The following MYO1E variants were observed in gnomAD, a reference collection of about 807,000 sequenced individuals.
The protein encoded by MYO1E is myosin IE.
MYO1E carries 68 observed loss-of-function variants against 151.1 expected under a neutral mutation model. The observed-to-expected ratio is 0.45, with a 90% CI of 0.37 to 0.55. The LOEUF is 0.55. Ranked by LOEUF, MYO1E falls within the 20% of genes least tolerant of loss-of-function variation. The pLI is 0.00. For synonymous variants in MYO1E, 601 were observed against 501.7 expected (o/e 1.20, Z -2.64); for missense variants, 1,363 against 1,389.3 (o/e 0.98, Z 0.30).
At chr15:59,251,069 C>A (rs1323100428) in intron 4 of MYO1E, among the ~76,000 whole-genome samples, 2 of 152,182 alleles carry the variant, frequency 1.3e-5, no homozygotes, top group Non-Finnish European at 2.9e-5. Flanking sequence ...AGGACTCTAT[C>A]AGAAAACTCA....
At chr15:59,239,372 T>C (rs1353779616) in intron 4 of MYO1E, among the ~76,000 whole-genome samples, 1 of 151,630 alleles carries the variant, frequency 6.6e-6, no homozygotes, top group Non-Finnish European at 1.5e-5. Flanking sequence ...ACCATAAGTA[T>C]GTATATTTTC....
intron 19 of MYO1E, 52 bp from the exon 20 acceptor site, chr15:59,174,292 GAAC>G (rs1282589544): frequency 1.6e-6 from 2 of 1,280,124 alleles, no homozygotes; most frequent in South Asian, 1.2e-5. Context: ...CCCAATCCCT[GAAC>G]AACACTTTTC....
Position 59,297,071 on chromosome 15 carries a change from C to T in MYO1E, c.4-24622G>A, listed in dbSNP as rs1240560594. ...GTTTCACTGTGTTAGCCAGGATGGT[C>T]TCGATCTCCTGACCTCATGATCCAC... On this transcript the variant is annotated intron_variant, in intron 1 of 27. Transcript: ENST00000288235. Among the ~76,000 whole-genome samples, 2 of 131,316 alleles carry T rather than the reference C, an allele frequency of 1.5e-5. 1 individual carries two copies. Among genetic ancestry groups the T allele is most frequent in the African/African-American group, 5.3e-5 (2 of 37,494 alleles). The allele number at this position is 131,316 out of a possible 152,430, so 86.1% of individuals were successfully genotyped here.
rs1195881617 is a variant in MYO1E, at chr15:59,188,120, C to G, written c.1902G>C (p.Gln634His). Residue 634 changes from glutamine to histidine, a missense_variant and splice_region_variant, in exon 18 of 28, where the codon CAG becomes CAC. Physicochemically the swap from Gln to His is conservative, Grantham distance 24. Transcript: ENST00000288235. Reference sequence around the variant, plus strand: ...GGCCAGAGTCACTAGTTCATTACCTCTGTAGGAATTTTTGGAAGATGCGCC... The same window carrying G: ...GGCCAGAGTCACTAGTTCATTACCTGTGTAGGAATTTTTGGAAGATGCGCC... The part of the protein sequence containing the change: ...AYRRIFQKFL[Q>H]RYAILTKATW... 1.9e-6 allele frequency: 3 copies of G among 1,611,800 alleles called. No individual in the cohort carries two copies. The highest frequency in any genetic ancestry group is 1.7e-4 in the Middle Eastern group (1 of 6,058).
At chr15:59,194,150 G>A (rs2079751244) in intron 17 of MYO1E, among the ~76,000 whole-genome samples, 1 of 151,738 alleles carries the variant, frequency 6.6e-6, no homozygotes, top group South Asian at 2.1e-4. Flanking sequence ...CTCCAGCCTG[G>A]GTGACAGAGC....
intron 1 of MYO1E, among the ~76,000 whole-genome samples, chr15:59,288,510 A>G (rs1209090474): frequency 6.6e-6 from 1 of 152,190 alleles, no homozygotes; most frequent in Non-Finnish European, 1.5e-5. Flanking sequence ...TAAAAGAGAT[A>G]ACGCACAGAG....
At chr15:59,208,323 TA>T (rs1193170237) in intron 14 of MYO1E, 3 of 563,798 alleles carry the variant, frequency 5.3e-6, no homozygotes, top group Non-Finnish European at 9.5e-6. Context: ...TGCCATGTTA[TA>T]TATATGTAGT....
chr15:59,231,649 A>C (rs1021835612), intron 6 of MYO1E, 53 bp downstream of exon 6: 3 of 1,568,622 alleles, frequency 1.9e-6, no homozygotes, highest in Non-Finnish European at 2.6e-6. Flanking sequence ...TTCAGTCAGA[A>C]GCATCAACAT....
Position 59,186,622 on chromosome 15 carries a change from ATGCCTGTAGTACTAGC to A in MYO1E, c.1904+1480_1904+1495del, listed in dbSNP as rs1167064592. The stretch of plus-strand genomic sequence containing the variant: ...AAAAGTCATCTGGGCATGGTGATGC[ATGCCTGTAGTACTAGC>A]TACTTGCAGACTGAGGTGGGAGAGA... On this transcript the variant is annotated intron_variant, in intron 18 of 27. Transcript: ENST00000288235. 3.3e-5 allele frequency among the ~76,000 whole-genome samples: 5 copies of A among 152,194 alleles called. No homozygotes were observed. In the South Asian group the frequency reaches 1.0e-3, roughly 32 times the overall value.
rs1446093560 is a variant in MYO1E at position 59,208,740 on chromosome 15, T to A, written c.1471A>T (p.Ser491Cys). 1 of 1,614,208 alleles carries A rather than the reference T, an allele frequency of 6.2e-7. No homozygotes were observed. The highest frequency in any genetic ancestry group is 8.5e-7 in the Non-Finnish European group (1 of 1,180,012). The change falls in exon 14 of 28, where the codon AGT becomes TGT. Residue 491 changes from serine (S) to cysteine (C), a missense_variant. Physicochemically the swap from Ser to Cys is moderately radical, Grantham distance 112. Coordinates refer to ENST00000288235, the MANE Select transcript of MYO1E (RefSeq NM_004998.4). ...TTCCAACTGTTGAAGTGCTCATGACTCCCAATCTGCATCTGAAGTTTCTGG... is the reference window on the plus strand; with the variant it reads ...TTCCAACTGTTGAAGTGCTCATGACACCCAATCTGCATCTGAAGTTTCTGG... ...LLQKLQMQIG[S>C]HEHFNSWNQG... is the part of the protein sequence containing the mutation.
intron 18 of MYO1E, among the ~76,000 whole-genome samples, chr15:59,182,274 G>A (rs536637589): frequency 5.9e-5 from 9 of 152,086 alleles, no homozygotes; most frequent in East Asian, 1.9e-4. Flanking sequence ...GTGCAGTGGC[G>A]CAGTCTTGGT....
chr15:59,178,667 A>C (rs977187909), intron 18 of MYO1E, 130 bp from the exon 19 acceptor site: 44 of 1,252,810 alleles, frequency 3.5e-5, no homozygotes, highest in Non-Finnish European at 4.7e-5. Context: ...TCTGTTTACC[A>C]GCGTTCGAAG....
At chr15:59,187,677 C>A (rs2079706803) in intron 18 of MYO1E, among the ~76,000 whole-genome samples, 1 of 152,200 alleles carries the variant, frequency 6.6e-6, no homozygotes, top group South Asian at 2.1e-4. Flanking sequence ...GTGGAAACAA[C>A]TGACGTTTAT....
At chr15:59,218,576 T>C (rs1483196848) in intron 9 of MYO1E, among the ~76,000 whole-genome samples, 1 of 152,234 alleles carries the variant, frequency 6.6e-6, no homozygotes, top group Non-Finnish European at 1.5e-5. Context: ...CCCATGTTTA[T>C]TGAGTATTTA....
At position 59,183,100 on chromosome 15, in the gene MYO1E, T is replaced by G. The variant is rs562632207; in HGVS notation, c.1905-4563A>C. ...GCTCACCTCCTACTGTAAGGCCCAG[T>G]TCCTAACAGGCCACAGACCAGTACT... On this transcript the variant is annotated intron_variant, in intron 18 of 27. Transcript: ENST00000288235. Among the ~76,000 whole-genome samples the G allele has an allele frequency of 1.6e-4, 25 of 152,292 alleles. No homozygotes were observed. In the South Asian group the frequency reaches 1.7e-3, roughly 10 times the overall value.
intron 1 of MYO1E, among the ~76,000 whole-genome samples, chr15:59,339,132 A>C (rs12910332): frequency 0.64 from 97,755 of 152,038 alleles, 34,299 homozygotes; most frequent in Non-Finnish European, 0.79. Context: ...ACTCTGTCTC[A>C]AAAAAAGAAA....
At chr15:59,223,462 C>T (rs1233343872) in intron 8 of MYO1E, among the ~76,000 whole-genome samples, 1 of 152,182 alleles carries the variant, frequency 6.6e-6, no homozygotes, top group Non-Finnish European at 1.5e-5. Flanking sequence ...GCTGGAAGGG[C>T]ACTTCTGTCT....
chr15:59,318,328 C>T (rs1176172288), intron 1 of MYO1E, among the ~76,000 whole-genome samples: 3 of 152,188 alleles, frequency 2.0e-5, no homozygotes, highest in Admixed American at 6.5e-5. Flanking sequence ...CTTGCCCATA[C>T]ACTCCTGTAT....
chr15:59,228,026 C>T (rs961894330), intron 6 of MYO1E, among the ~76,000 whole-genome samples: 7 of 152,238 alleles, frequency 4.6e-5, no homozygotes, highest in African/African-American at 9.6e-5. Flanking sequence ...TTATCTAGAA[C>T]GGAAACACTT....
Sources: gnomAD v4.1 joint callset for allele counts (sites outside exome capture counted in the v4.1 genomes callset) on GRCh38, gnomAD v4.1.1 for gene constraint, MANE v1.5 for transcripts, NCBI Gene and HGNC (gene_info 2026-07-23, HGNC 2026-07-21) for gene names.